Variants in TTBK1 observed in about 807,000 individuals in gnomAD.
TTBK1 encodes tau-tubulin kinase 1.
TTBK1 carries 34 observed loss-of-function variants against 108.5 expected under a neutral mutation model. The ratio of observed to expected loss-of-function variants is 0.31; its 90% confidence interval spans 0.24 to 0.42. The LOEUF is 0.42. TTBK1 is among the 10% of genes least tolerant of loss of function. The probability of loss-of-function intolerance (pLI) is 1.00; values close to 1 mark genes in which losing one functional copy is unlikely to be tolerated. For missense variants in TTBK1, 1,539 were observed against 1,826.0 expected, an observed-to-expected ratio of 0.84 and a Z score of 2.86; for synonymous variants, 809 against 795.1, an observed-to-expected ratio of 1.02 and a Z score of -0.29.
rs374136635 is a variant in TTBK1 at position 43,259,508 on chromosome 6, C to T, written c.1249-23C>T. ...CACAGCCGCCTCATCAGCCCCAGCT[C>T]ATGGCACTCCCCTCTCCTGCAGAGC... is the stretch of plus-strand genomic sequence containing the variant. On this transcript the variant is annotated intron_variant, in intron 11 of 14. Coordinates refer to ENST00000259750, the MANE Select transcript of TTBK1 (RefSeq NM_032538.3). The surrounding 1 kb of genome is among the most constrained non-coding windows in gnomAD (Gnocchi z 6.7). The T allele has an allele frequency of 3.4e-5, 53 of 1,540,934 alleles. No homozygotes were observed. In the African/African-American group the frequency reaches 5.5e-4, roughly 16 times the overall value.
chr6:43,279,536 C>T (rs1412316340), intron 13 of TTBK1, among the ~76,000 whole-genome samples: 1 of 151,984 alleles, frequency 6.6e-6, no homozygotes, highest in East Asian at 1.9e-4. Flanking sequence ...ACCCCATGGT[C>T]CCCACTCATC....
Position 43,263,366 on chromosome 6 carries a change from C to A in TTBK1, c.1986+16C>A. 1 of 1,450,110 alleles carries A rather than the reference C, an allele frequency of 6.9e-7. No individual in the cohort carries two copies. Among genetic ancestry groups the A allele is most frequent in the East Asian group, 2.5e-5 (1 of 39,768 alleles). 89.8% of individuals were successfully genotyped at this position (1,450,110 alleles called of 1,614,324 possible). A position where few individuals can be genotyped will look rare whatever the true frequency, so the allele number is the denominator to read the frequency against. ...ACAGAGACAGGTAAGGTTGGGCTTG[C>A]ACCCCACTCCCCATCTCCAGATGCC... On this transcript the variant is annotated intron_variant, in intron 13 of 14. Coordinates refer to ENST00000259750, the MANE Select transcript of TTBK1 (RefSeq NM_032538.3). The surrounding 1 kb of genome is among the most constrained non-coding windows in gnomAD (Gnocchi z 4.7).
At position 43,285,602 on chromosome 6, in the gene TTBK1, C is replaced by T. The variant is rs2150719724; in HGVS notation, c.*226C>T. The T allele has an allele frequency of 2.4e-6, 1 of 413,806 alleles. No individual in the cohort carries two copies. Among genetic ancestry groups the T allele is most frequent in the Non-Finnish European group, 3.9e-6 (1 of 257,402 alleles). The allele number at this position is 413,806 out of a possible 1,614,324, so 25.6% of individuals were successfully genotyped here. ...CCCGCGCCGCGGGGAGGGTCTGCCT[C>T]CCCTTCCTCGCCCTGTGTCCTCTCA... is the stretch of plus-strand genomic sequence containing the variant. On this transcript the variant is annotated 3_prime_UTR_variant, in exon 15 of 15. Transcript: ENST00000259750. This position sits in a 1 kb window ranked among gnomAD's most constrained non-coding sequence, Gnocchi z 4.7.
At chr6:43,270,594 C>A in intron 13 of TTBK1, 1 of 985,554 alleles carries the variant, frequency 1.0e-6, no homozygotes, top group Non-Finnish European at 1.2e-6. Flanking sequence ...ACAGAGTTCT[C>A]TCCTCACACA....
chr6:43,253,314 A>T lies in TTBK1; in HGVS notation c.280A>T (p.Ile94Phe). 6.2e-7 allele frequency: 1 copy of T among 1,614,124 alleles called. No individual in the cohort carries two copies. Residue 94 changes from isoleucine (I) to phenylalanine (F), a missense_variant, in exon 4 of 15, where the codon ATT (isoleucine) becomes TTT (phenylalanine). Ile to Phe is a conservative substitution (Grantham distance 21, BLOSUM62 0). Around this residue, in one of 5 missense-constraint regions of TTBK1, gnomAD observed 155 missense variants for 348.5 expected, o/e 0.44. Coordinates refer to ENST00000259750, the MANE Select transcript of TTBK1 (RefSeq NM_032538.3). The surrounding 1 kb of genome is among the most constrained non-coding windows in gnomAD (Gnocchi z 5.8). Reference sequence around the variant, plus strand: ...AGGGAAGGACCATGTGTGCAGGTTCATTGGCTGTGGCAGGAACGAGAAGTT... The same window carrying T: ...AGGGAAGGACCATGTGTGCAGGTTCTTTGGCTGTGGCAGGAACGAGAAGTT... ...LQGKDHVCRF[I>F]GCGRNEKFNY...
chr6:43,251,067 A>G (rs1777225461), intron 2 of TTBK1, among the ~76,000 whole-genome samples: 1 of 152,168 alleles, frequency 6.6e-6, no homozygotes, highest in Non-Finnish European at 1.5e-5. Flanking sequence ...TCCTTCCCAG[A>G]CACAAGCACC....
intron 2 of TTBK1, among the ~76,000 whole-genome samples, chr6:43,247,712 G>T (rs987349158): frequency 6.6e-6 from 1 of 152,184 alleles, no homozygotes; most frequent in Non-Finnish European, 1.5e-5. Flanking sequence ...CTCAGTTCAC[G>T]GGAGTGCGGG....
At chr6:43,268,452 G>A (rs1300019239) in intron 13 of TTBK1, among the ~76,000 whole-genome samples, 1 of 152,220 alleles carries the variant, frequency 6.6e-6, no homozygotes, top group Admixed American at 6.5e-5. Flanking sequence ...TCCATGCCAA[G>A]TCCCTTGTGC....
intron 12 of TTBK1, among the ~76,000 whole-genome samples, chr6:43,260,635 G>C (rs1190409946): frequency 6.6e-6 from 1 of 152,192 alleles, no homozygotes; most frequent in Admixed American, 6.5e-5. Flanking sequence ...ATGAGGAAAG[G>C]CAGTTTGGGA....
chr6:43,255,973 C>G lies in TTBK1; in HGVS notation c.861+117C>G, dbSNP rs1407100497. 1.6e-5 allele frequency: 21 copies of G among 1,318,138 alleles called. 1 individual carries two copies. The highest frequency in any genetic ancestry group is 2.2e-5 in the Non-Finnish European group (21 of 942,582). The allele number at this position is 1,318,138 out of a possible 1,614,324, so 81.7% of individuals were successfully genotyped here. A position where few individuals can be genotyped will look rare whatever the true frequency, so the allele number is the denominator to read the frequency against. ...CCCTGCCTTGTCCCCAAGCCTCTCC[C>G]CTTGGTCTTCTAACTGCACTAAAGG... On this transcript the variant is annotated intron_variant, in intron 9 of 14. Coordinates refer to ENST00000259750, the MANE Select transcript of TTBK1 (RefSeq NM_032538.3).
At chr6:43,249,076 C>T (rs1777172031) in intron 2 of TTBK1, among the ~76,000 whole-genome samples, 1 of 152,068 alleles carries the variant, frequency 6.6e-6, no homozygotes, top group Non-Finnish European at 1.5e-5. Flanking sequence ...TAGTAGGTGT[C>T]ATGGGCTGAT....
chr6:43,254,793 C>T, intron 6 of TTBK1, 142 bp downstream of exon 6: 1 of 767,464 alleles, frequency 1.3e-6, no homozygotes, highest in Non-Finnish European at 2.1e-6. Flanking sequence ...TCTGGGTGTC[C>T]ACACTCGGCC....
At chr6:43,249,501 G>C (rs111492053) in intron 2 of TTBK1, among the ~76,000 whole-genome samples, 8,904 of 152,086 alleles carry the variant, frequency 0.059, 336 homozygotes, top group Admixed American at 0.085. Flanking sequence ...TTGGTATAAA[G>C]AGGAATATAT....
intron 5 of TTBK1, 52 bp from the exon 6 acceptor site, chr6:43,254,495 T>A: frequency 7.5e-7 from 1 of 1,326,996 alleles, no homozygotes; most frequent in Non-Finnish European, 1.0e-6. Context: ...CCCCTTGAGG[T>A]GGCCCAGCTG....
At chr6:43,272,287 G>A (rs1184194686) in intron 13 of TTBK1, 1 of 985,476 alleles carries the variant, frequency 1.0e-6, no homozygotes, top group Middle Eastern at 5.2e-4. Flanking sequence ...TCAACCCTGA[G>A]CACAGCTCCA....
rs1255657309 is a variant in TTBK1, at chr6:43,273,283, C to T, written c.1987-9444C>T. 6.6e-6 allele frequency among the ~76,000 whole-genome samples: 1 copy of T among 152,150 alleles called. No individual in the cohort carries two copies. The highest frequency in any genetic ancestry group is 1.9e-4 in the East Asian group (1 of 5,196). On this transcript the variant is annotated intron_variant, in intron 13 of 14. Transcript: ENST00000259750. This position sits in a 1 kb window ranked among gnomAD's most constrained non-coding sequence, Gnocchi z 4.2. ...CTTTGCGGTGGGCCCCCTCCTCAGT[C>T]TATAGAAAAGAGGGGAGTTGTCAGC...
At chr6:43,258,971 G>A in intron 10 of TTBK1, 67 bp from the exon 11 acceptor site, 2 of 1,248,328 alleles carry the variant, frequency 1.6e-6, no homozygotes, top group Non-Finnish European at 2.3e-6. Context: ...GTGCTGGTAG[G>A]AGAGGGCCAT....
intron 1 of TTBK1, among the ~76,000 whole-genome samples, chr6:43,245,472 AAACACACACAAG>A (rs1427716906): frequency 6.6e-6 from 1 of 152,174 alleles, no homozygotes; most frequent in Non-Finnish European, 1.5e-5. Context: ...CACAGACACA[AAACACACACAAG>A]AACACACAGA....
rs530091334 is a variant in TTBK1, at chr6:43,269,401, A to G, written c.1986+6051A>G. Among the ~76,000 whole-genome samples, 1 of 152,252 alleles carries G rather than the reference A, an allele frequency of 6.6e-6. No individual in the cohort carries two copies. Among genetic ancestry groups the G allele is most frequent in the East Asian group, 1.9e-4 (1 of 5,174 alleles). ...GAGTGACCATGGTCTCCTTGCAGAG[A>G]CCATAGTGTGAGAAGTTCCAGAGAG... On this transcript the variant is annotated intron_variant, in intron 13 of 14. Transcript: ENST00000259750. The surrounding 1 kb of genome is among the most constrained non-coding windows in gnomAD (Gnocchi z 4.8).
Sources: gnomAD v4.1 joint callset for allele counts (sites outside exome capture counted in the v4.1 genomes callset) on GRCh38, gnomAD v4.1.1 for gene constraint, gnomAD v4.1.1 regional missense constraint, Gnocchi (gnomAD v3.1) non-coding constraint, MANE v1.5 for transcripts, NCBI Gene and HGNC (gene_info 2026-07-23, HGNC 2026-07-21) for gene names.